The following DIP2C variants were observed in gnomAD, a reference collection of about 807,000 sequenced individuals.
DIP2C encodes disco-interacting protein 2 homolog C.
Under a neutral mutation model 192.4 loss-of-function variants are expected in DIP2C, and 33 were observed. That is an observed-to-expected ratio of 0.17 (90% CI 0.13 to 0.23). The LOEUF (loss-of-function observed/expected upper bound fraction) is 0.23. Ranked by LOEUF, DIP2C falls within the 10% of genes least tolerant of loss-of-function variation. DIP2C has a pLI of 1.00. For synonymous variants in DIP2C, 979 were observed against 864.1 expected (o/e 1.13, Z -2.33); for missense variants, 1,537 against 2,110.1 (o/e 0.73, Z 5.32).
At chr10:536,176 C>G (rs555952826) in intron 1 of DIP2C, among the ~76,000 whole-genome samples, 2 of 152,338 alleles carry the variant, frequency 1.3e-5, no homozygotes, top group South Asian at 4.1e-4. Context: ...AGCATGTGCG[C>G]TCAGGCGTCC....
rs1021661236 is a variant in DIP2C, at chr10:610,977, C to A, written c.85+78517G>T. Among the ~76,000 whole-genome samples the A allele has an allele frequency of 1.2e-4, 17 of 147,614 alleles. 1 individual carries two copies. Among genetic ancestry groups the A allele is most frequent in the Non-Finnish European group, 2.2e-4 (15 of 67,266 alleles). On this transcript the variant is annotated intron_variant, in intron 1 of 36. Transcript: ENST00000280886. ...GTGGGCCCTGGTGGGAGGTGACTGA[C>A]TCACGGGGGTGCTTTCTAACCCCCC...
At position 369,570 on chromosome 10, in the gene DIP2C, A is replaced by G. The variant is rs903996399; in HGVS notation, c.2055T>C (p.Tyr685=). 8.1e-6 allele frequency: 13 copies of G among 1,610,770 alleles called. No homozygotes were observed. The highest frequency in any genetic ancestry group is 1.1e-5 in the South Asian group (1 of 90,276). The change falls in exon 18 of 37, where the codon TAT becomes TAC. Residue 685 remains tyrosine (Y), a synonymous_variant. Transcript: ENST00000280886. ...RGVLSMHGLT[Y]GVIRVDSEEK... The stretch of plus-strand genomic sequence containing the variant: ...CTTCCGAGTCCACACGAATGACCCC[A>G]TAGGTCAGTCCATGCATGGAGAGGA...
At chr10:409,487 C>T (rs1266561301) in intron 8 of DIP2C, among the ~76,000 whole-genome samples, 1 of 152,194 alleles carries the variant, frequency 6.6e-6, no homozygotes, top group Non-Finnish European at 1.5e-5. Flanking sequence ...CTCCAACAGT[C>T]AGAGCTGCCT....
chr10:682,775 A>G (rs1196628202), intron 1 of DIP2C, among the ~76,000 whole-genome samples: 5 of 152,076 alleles, frequency 3.3e-5, no homozygotes, highest in African/African-American at 9.7e-5. Flanking sequence ...GCCTATAGAT[A>G]AATATGTAAA....
intron 14 of DIP2C, among the ~76,000 whole-genome samples, chr10:387,067 C>CA (rs1963008603): frequency 6.6e-6 from 1 of 152,214 alleles, no homozygotes; most frequent in Non-Finnish European, 1.5e-5. Flanking sequence ...AACACAATAG[C>CA]AGGCCCCACC....
intron 17 of DIP2C, among the ~76,000 whole-genome samples, chr10:382,403 G>T (rs1962458060): frequency 6.6e-6 from 1 of 152,168 alleles, no homozygotes; most frequent in Non-Finnish European, 1.5e-5. Context: ...CCTCTAGACA[G>T]TTCCACTTAT....
At chr10:347,478 C>CTA (rs1958546612) in intron 26 of DIP2C, among the ~76,000 whole-genome samples, 1 of 68,158 alleles carries the variant, frequency 1.5e-5, no homozygotes. Context: ...CCCGGAAACC[C>CTA]CACACTCACC....
intron 3 of DIP2C, among the ~76,000 whole-genome samples, chr10:467,565 T>TAAAAAAAA (rs71376835): frequency 1.5e-5 from 2 of 130,410 alleles, no homozygotes; most frequent in Non-Finnish European, 1.6e-5. Flanking sequence ...TATTTAAGTG[T>TAAAAAAAA]AAAAAAAAAA....
chr10:532,668 TGAGAGA>T lies in DIP2C; in HGVS notation c.86-46144_86-46139del, dbSNP rs10546313. Among the ~76,000 whole-genome samples, 2 of 84,384 alleles carry T rather than the reference TGAGAGA, an allele frequency of 2.4e-5. 1 individual carries two copies. Among genetic ancestry groups the T allele is most frequent in the Non-Finnish European group, 4.4e-5 (2 of 45,662 alleles). The allele number at this position is 84,384 out of a possible 152,430, so 55.4% of individuals were successfully genotyped here. A position where few individuals can be genotyped will look rare whatever the true frequency, so the allele number is the denominator to read the frequency against. ...ATGGGTGTGAGAGAGAGTATGGGTG[TGAGAGA>T]GAGTATGGGTGTGAGAGAGTATGGG... On this transcript the variant is annotated intron_variant, in intron 1 of 36. Coordinates refer to ENST00000280886, the MANE Select transcript of DIP2C (RefSeq NM_014974.3).
intron 17 of DIP2C, among the ~76,000 whole-genome samples, chr10:380,151 T>C (rs1318200603): frequency 1.5e-5 from 2 of 136,624 alleles, no homozygotes; most frequent in Non-Finnish European, 3.4e-5. Context: ...CCCTGGATGA[T>C]GGTTAACGCA....
At chr10:594,146 G>A (rs376028883) in intron 1 of DIP2C, among the ~76,000 whole-genome samples, 2 of 152,188 alleles carry the variant, frequency 1.3e-5, no homozygotes, top group Admixed American at 6.5e-5. Flanking sequence ...TGAAGGTCCC[G>A]TTGCAGACTG....
chr10:493,091 T>TC (rs2133596637), intron 1 of DIP2C, among the ~76,000 whole-genome samples: 1 of 152,266 alleles, frequency 6.6e-6, no homozygotes, highest in African/African-American at 2.4e-5. Context: ...AAACACCCCC[T>TC]CCCTTCCAGT....
At chr10:507,208 G>C (rs1564800459) in intron 1 of DIP2C, among the ~76,000 whole-genome samples, 1 of 148,392 alleles carries the variant, frequency 6.7e-6, no homozygotes, top group Non-Finnish European at 1.5e-5. Context: ...TTTGAGGTTA[G>C]GGACCTGGTC....
chr10:348,521 CCA>C, intron 26 of DIP2C, 118 bp downstream of exon 26: 1 of 1,499,326 alleles, frequency 6.7e-7, no homozygotes, highest in Non-Finnish European at 9.0e-7. Flanking sequence ...CCGTTTGACT[CCA>C]GACACACCCC....
intron 28 of DIP2C, among the ~76,000 whole-genome samples, chr10:342,810 G>C (rs558389409): frequency 2.6e-5 from 4 of 152,254 alleles, no homozygotes; most frequent in Non-Finnish European, 4.4e-5. Flanking sequence ...AAGAGCTTCC[G>C]CATCTTCCTC....
intron 2 of DIP2C, among the ~76,000 whole-genome samples, chr10:474,681 G>T (rs1024387002): frequency 6.6e-6 from 1 of 152,186 alleles, no homozygotes; most frequent in Non-Finnish European, 1.5e-5. Context: ...AGGAACACTT[G>T]GGGGCCCCAC....
rs550916712 is a variant in DIP2C at position 560,390 on chromosome 10, A to AG, written c.86-73861_86-73860insC. On this transcript the variant is annotated intron_variant, in intron 1 of 36. Coordinates refer to ENST00000280886, the MANE Select transcript of DIP2C (RefSeq NM_014974.3). The stretch of plus-strand genomic sequence containing the variant: ...AGCTAAACACAACCATTTAAAAAAA[A>AG]AAAGAAAAAAGTGTCACTGTTAAGT... Among the ~76,000 whole-genome samples the AG allele has an allele frequency of 1.2e-3, 176 of 152,248 alleles. 2 individuals are homozygous for AG. In the Middle Eastern group the frequency reaches 0.031, roughly 26 times the overall value.
chr10:336,213 T>A (rs2132506925), intron 29 of DIP2C, among the ~76,000 whole-genome samples: 1 of 152,242 alleles, frequency 6.6e-6, no homozygotes. Flanking sequence ...TAAAAAAAAA[T>A]TTAAAAATCA....
intron 29 of DIP2C, among the ~76,000 whole-genome samples, chr10:334,379 C>A (rs1178398966): frequency 6.7e-6 from 1 of 148,830 alleles, no homozygotes. Context: ...TTATAATTTG[C>A]AAATATTTTT....
Sources: gnomAD v4.1 joint callset for allele counts (sites outside exome capture counted in the v4.1 genomes callset) on GRCh38, gnomAD v4.1.1 for gene constraint, MANE v1.5 for transcripts, NCBI Gene and HGNC (gene_info 2026-07-23, HGNC 2026-07-21) for gene names.